Variants in ZNF33B observed in about 807,000 individuals in gnomAD.
ZNF33B encodes the protein zinc finger protein 33B.
Under a neutral mutation model 45.8 loss-of-function variants are expected in ZNF33B, and 29 were observed. That is an observed-to-expected ratio of 0.63 (90% CI 0.47 to 0.86). The LOEUF is 0.86. ZNF33B is among the 40% of genes least tolerant of loss of function. ZNF33B has a pLI of 0.00. For synonymous variants in ZNF33B, 305 were observed against 307.8 expected, an observed-to-expected ratio of 0.99 and a Z score of 0.10; for missense variants, 831 against 909.9, an observed-to-expected ratio of 0.91 and a Z score of 1.12.
chr10:42,622,336 C>T (rs1838625837), intron 4 of ZNF33B, among the ~76,000 whole-genome samples: 2 of 152,140 alleles, frequency 1.3e-5, no homozygotes. Flanking sequence ...AAAAGCTGAT[C>T]CTTAAAGTCA....
At chr10:42,620,570 T>C (rs1838528764) in intron 4 of ZNF33B, among the ~76,000 whole-genome samples, 1 of 151,640 alleles carries the variant, frequency 6.6e-6, no homozygotes, top group South Asian at 2.1e-4. Flanking sequence ...CCCAACTATT[T>C]TTTTTTTTTT....
At chr10:42,638,089 ACAGAGTCCGTATGTCGGGCGGGCGACTG>A (rs1239277612) in intron 1 of ZNF33B, among the ~76,000 whole-genome samples, 1 of 152,248 alleles carries the variant, frequency 6.6e-6, no homozygotes, top group Non-Finnish European at 1.5e-5. Flanking sequence ...AGAACGGGCA[ACAGAGTCCGTATGTCGGGCGGGCGACTG>A]CACCCGCCCT....
chr10:42,594,182 G>T lies in ZNF33B; in HGVS notation c.768C>A (p.Phe256Leu). Reference sequence around the variant, plus strand: ...GGAACAAGAGGGATGAACTATCACAGAAAGTTCTCCCAAATTCATTATAGT... The same window carrying T: ...GGAACAAGAGGGATGAACTATCACATAAAGTTCTCCCAAATTCATTATAGT... ...NCDYNEFGRT[F>L]CDSSSLLFHQ... The change falls in exon 5 of 5, where the codon TTC becomes TTA. Residue 256 changes from phenylalanine to leucine, a missense_variant. By Grantham distance (22) the Phe-to-Leu change is conservative. Coordinates refer to ENST00000359467, the MANE Select transcript of ZNF33B (RefSeq NM_006955.3). The T allele has an allele frequency of 6.2e-7, 1 of 1,613,754 alleles. No homozygotes were observed. The highest frequency in any genetic ancestry group is 8.5e-7 in the Non-Finnish European group (1 of 1,179,928).
chr10:42,621,207 T>C (rs561130280), intron 4 of ZNF33B, among the ~76,000 whole-genome samples: 28 of 149,482 alleles, frequency 1.9e-4, no homozygotes, highest in South Asian at 4.2e-4. Flanking sequence ...CATGGTGGTA[T>C]ACAGCTATAG....
chr10:42,626,554 C>T (rs866360907), intron 4 of ZNF33B, among the ~76,000 whole-genome samples: 10 of 151,892 alleles, frequency 6.6e-5, no homozygotes, highest in Non-Finnish European at 1.0e-4. Flanking sequence ...CGAGCATGGT[C>T]GCATGCGCCT....
rs143027388 is a variant in ZNF33B at position 42,612,394 on chromosome 10, G to A, written c.251-17695C>T. Among the ~76,000 whole-genome samples, 615 of 151,966 alleles carry A rather than the reference G, an allele frequency of 4.0e-3. 2 individuals carry two copies. The highest frequency in any genetic ancestry group is 6.3e-3 in the Non-Finnish European group (430 of 67,950). ...TGGGAATACAGGCGTGCTTCACCAC[G>A]CCCAGCTTATTTGGTATTTTTAATA... On this transcript the variant is annotated intron_variant, in intron 4 of 4. Transcript: ENST00000359467.
intron 4 of ZNF33B, among the ~76,000 whole-genome samples, chr10:42,611,386 G>A (rs1838090888): frequency 6.6e-6 from 1 of 151,908 alleles, no homozygotes; most frequent in South Asian, 2.1e-4. Context: ...AAGAAATGAT[G>A]CTGAGACAAC....
intron 1 of ZNF33B, chr10:42,583,135 T>G (rs759148954): frequency 1.3e-6 from 1 of 782,864 alleles, no homozygotes; most frequent in African/African-American, 1.7e-5. Flanking sequence ...TGGGAGGGAG[T>G]AAGCATGGTG....
chr10:42,586,992 T>TC (rs1354139018), downstream of ZNF33B, among the ~76,000 whole-genome samples: 3 of 152,146 alleles, frequency 2.0e-5, no homozygotes, highest in African/African-American at 7.2e-5. Flanking sequence ...AGGCAGCCCC[T>TC]CCTTGCTGTT....
intron 4 of ZNF33B, among the ~76,000 whole-genome samples, chr10:42,603,111 G>A (rs1837693599): frequency 6.6e-6 from 1 of 152,144 alleles, no homozygotes; most frequent in African/African-American, 2.4e-5. Flanking sequence ...GATTCCAAAA[G>A]AAACCAAGAA....
At chr10:42,596,129 G>C (rs1431788067) in intron 4 of ZNF33B, among the ~76,000 whole-genome samples, 2 of 151,252 alleles carry the variant, frequency 1.3e-5, no homozygotes, top group African/African-American at 4.8e-5. Context: ...CCTTAAAGAA[G>C]AAAAAAGAAA....
chr10:42,618,950 T>G (rs539333593), intron 4 of ZNF33B, among the ~76,000 whole-genome samples: 1 of 152,178 alleles, frequency 6.6e-6, no homozygotes, highest in South Asian at 2.1e-4. Context: ...AAAATGGCAG[T>G]TATTATTGTG....
intron 1 of ZNF33B, 46 bp downstream of exon 1, chr10:42,638,428 C>G: frequency 2.9e-6 from 1 of 343,940 alleles, no homozygotes; most frequent in South Asian, 2.3e-5. Flanking sequence ...CTCCTGGAGT[C>G]GCGCGGGGCC....
At chr10:42,580,344 C>T (rs1836806261) in intron 1 of ZNF33B, among the ~76,000 whole-genome samples, 1 of 152,000 alleles carries the variant, frequency 6.6e-6, no homozygotes, top group Non-Finnish European at 1.5e-5. Context: ...AGGTTCAAGC[C>T]ATTCTCATCC....
downstream of ZNF33B, among the ~76,000 whole-genome samples, chr10:42,586,212 GGC>G (rs1220083259): frequency 1.5e-5 from 2 of 137,272 alleles, no homozygotes; most frequent in Non-Finnish European, 3.0e-5. Context: ...GGAGTGCAGT[GGC>G]ACCATCTCAG....
intron 4 of ZNF33B, among the ~76,000 whole-genome samples, chr10:42,625,796 C>T (rs1400624116): frequency 6.6e-6 from 1 of 152,172 alleles, no homozygotes; most frequent in Non-Finnish European, 1.5e-5. Context: ...TTCTAAGATT[C>T]CTTGTAATAT....
rs1451355693 is a variant in ZNF33B at position 42,638,393 on chromosome 10, C to A, written c.-45+81G>T. The A allele has an allele frequency of 4.9e-5, 17 of 350,332 alleles. No individual in the cohort carries two copies. In the Middle Eastern group the frequency reaches 2.6e-3, roughly 53 times the overall value. 21.7% of individuals were successfully genotyped at this position (350,332 alleles called of 1,614,324 possible). A position where few individuals can be genotyped will look rare whatever the true frequency, so the allele number is the denominator to read the frequency against. On this transcript the variant is annotated intron_variant, in intron 1 of 4. Transcript: ENST00000359467. ...AGGTCCCCGGGACTCCTCGCCACCA[C>A]CTGGCACTGGCCCCCGGCTGCCTGC... is the stretch of plus-strand genomic sequence containing the variant.
chr10:42,577,864 TC>T (rs1042950315), intron 1 of ZNF33B, among the ~76,000 whole-genome samples: 5 of 152,180 alleles, frequency 3.3e-5, no homozygotes, highest in African/African-American at 1.2e-4. Context: ...TGCACCCTGT[TC>T]CCACTGAGGA....
downstream of ZNF33B, among the ~76,000 whole-genome samples, chr10:42,585,262 T>C (rs1382193647): frequency 6.6e-6 from 1 of 152,224 alleles, no homozygotes; most frequent in Non-Finnish European, 1.5e-5. Context: ...CTTTGCTGAA[T>C]CCTAAGGAGC....
Sources: gnomAD v4.1 joint callset for allele counts (sites outside exome capture counted in the v4.1 genomes callset) on GRCh38, gnomAD v4.1.1 for gene constraint, MANE v1.5 for transcripts, NCBI Gene and HGNC (gene_info 2026-07-23, HGNC 2026-07-21) for gene names.